TMLHE: variants seen among roughly 807,000 people sequenced by gnomAD.
TMLHE encodes the protein trimethyllysine hydroxylase, epsilon.
Under a neutral mutation model 25.7 loss-of-function variants are expected in TMLHE, and 18 were observed. That is an observed-to-expected ratio of 0.70 (90% CI 0.48 to 1.04). The LOEUF (loss-of-function observed/expected upper bound fraction) is 1.04. Ranked by LOEUF, TMLHE falls within the 50% of genes least tolerant of loss-of-function variation. The pLI is 0.00. For synonymous variants in TMLHE, 105 were observed against 97.0 expected (o/e 1.08, Z -0.49); for missense variants, 236 against 259.0 (o/e 0.91, Z 0.61).
intron 2 of TMLHE, among the ~76,000 whole-genome samples, chrX:155,531,925 G>A (rs781801672): frequency 9.0e-6 from 1 of 111,062 alleles, no homozygotes; most frequent in African/African-American, 3.3e-5. Context: ...AGAGCCTCTG[G>A]GCTATGGTGA....
At chrX:155,506,765 G>T in intron 6 of TMLHE, 133 bp downstream of exon 6, 1 of 543,621 alleles carries the variant, frequency 1.8e-6, no homozygotes, top group Non-Finnish European at 3.1e-6. Flanking sequence ...AATACAAACT[G>T]TTTGATAATA....
intron 1 of TMLHE, among the ~76,000 whole-genome samples, chrX:155,605,357 A>G (rs2067780700): frequency 8.9e-6 from 1 of 111,789 alleles, no homozygotes; most frequent in Admixed American, 9.5e-5. Context: ...CCCAAGACAC[A>G]TAGTCATCAG....
intron 2 of TMLHE, among the ~76,000 whole-genome samples, chrX:155,537,592 C>T (rs1557337749): frequency 1.8e-5 from 2 of 111,207 alleles, no homozygotes; most frequent in African/African-American, 6.5e-5. Context: ...CCCTAAGCTC[C>T]TTTTCACTCT....
chrX:155,585,036 T>C (rs1380003185), intron 1 of TMLHE, among the ~76,000 whole-genome samples: 1 of 110,165 alleles, frequency 9.1e-6, no homozygotes, highest in African/African-American at 3.3e-5. Context: ...TAACAAACAA[T>C]AAGAGAAAAC....
chrX:155,596,800 G>A (rs1019264085), intron 1 of TMLHE, among the ~76,000 whole-genome samples: 22 of 111,300 alleles, frequency 2.0e-4, no homozygotes, highest in Non-Finnish European at 3.4e-4. Flanking sequence ...CATAATTCCT[G>A]ACAGTGACTA....
chrX:155,554,526 C>CT (rs1226780591), intron 1 of TMLHE, among the ~76,000 whole-genome samples: 9 of 109,505 alleles, frequency 8.2e-5, no homozygotes, highest in Admixed American at 2.9e-4. Flanking sequence ...AAAGGTAATA[C>CT]TTTTTTTTTC....
At chrX:155,526,048 G>A (rs1440390141) in intron 2 of TMLHE, among the ~76,000 whole-genome samples, 2 of 112,941 alleles carry the variant, frequency 1.8e-5, no homozygotes, top group East Asian at 2.8e-4. Flanking sequence ...AGGAATTCAA[G>A]GCTGCAGAAA....
At chrX:155,602,459 T>C (rs1353888017) in intron 1 of TMLHE, among the ~76,000 whole-genome samples, 1 of 111,522 alleles carries the variant, frequency 9.0e-6, no homozygotes, top group Non-Finnish European at 1.9e-5. Flanking sequence ...CATTTAGTGA[T>C]GAAGGATTGA....
At chrX:155,591,252 C>T (rs181298520) in intron 1 of TMLHE, among the ~76,000 whole-genome samples, 33 of 111,489 alleles carry the variant, frequency 3.0e-4, no homozygotes, top group Non-Finnish European at 4.5e-4. Flanking sequence ...ATGAAAACCT[C>T]AAAATCCCAC....
chrX:155,547,770 C>G (rs1295358400), intron 1 of TMLHE, among the ~76,000 whole-genome samples: 2 of 109,904 alleles, frequency 1.8e-5, no homozygotes, highest in South Asian at 3.9e-4. Context: ...CCACACAACC[C>G]TGAAATATAT....
At chrX:155,546,940 C>A (rs1315649672) in intron 1 of TMLHE, among the ~76,000 whole-genome samples, 1 of 110,494 alleles carries the variant, frequency 9.1e-6, no homozygotes, top group Non-Finnish European at 1.9e-5. Flanking sequence ...CAGACCAAGA[C>A]CAGACTAGAA....
chrX:155,584,303 G>A (rs2067650629), intron 1 of TMLHE, among the ~76,000 whole-genome samples: 1 of 108,687 alleles, frequency 9.2e-6, no homozygotes, highest in Non-Finnish European at 1.9e-5. Flanking sequence ...AAATAATCCA[G>A]TCAGAAAAAA....
chrX:155,510,338 T>C (rs1176064323), intron 5 of TMLHE, among the ~76,000 whole-genome samples: 9 of 105,429 alleles, frequency 8.5e-5, no homozygotes, highest in South Asian at 4.6e-4. Context: ...CATGCTGGTG[T>C]GCTGCACCCA....
chrX:155,556,281 A>T (rs975106008), intron 1 of TMLHE, among the ~76,000 whole-genome samples: 2 of 112,657 alleles, frequency 1.8e-5, no homozygotes, highest in Non-Finnish European at 3.8e-5. Flanking sequence ...TTCAGCCTTT[A>T]ATACTGTGAC....
intron 2 of TMLHE, among the ~76,000 whole-genome samples, chrX:155,528,514 T>C (rs1171157778): frequency 9.0e-6 from 1 of 110,884 alleles, no homozygotes; most frequent in African/African-American, 3.3e-5. Flanking sequence ...GTCTCCAGTG[T>C]CCATTATACC....
At chrX:155,578,266 C>G (rs901984474) in intron 1 of TMLHE, among the ~76,000 whole-genome samples, 1 of 111,531 alleles carries the variant, frequency 9.0e-6, no homozygotes, top group African/African-American at 3.3e-5. Flanking sequence ...AATATCCTGC[C>G]GGCAGCCTGG....
At chrX:155,545,892 T>C (rs1165794068) in intron 1 of TMLHE, among the ~76,000 whole-genome samples, 1 of 110,834 alleles carries the variant, frequency 9.0e-6, no homozygotes, top group African/African-American at 3.3e-5. Context: ...AACCATGAAA[T>C]TGCTGAATGA....
Position 155,558,468 on chromosome X carries a change from G to C in TMLHE, c.-1-13191C>G, listed in dbSNP as rs782563022. On this transcript the variant is annotated intron_variant, in intron 1 of 7. Transcript: ENST00000334398. ...ATGCTGGATGTTCCTCAATAGGAAG[G>C]CCTATCTGTCTCATTCATTTTGATA... Among the ~76,000 whole-genome samples the C allele has an allele frequency of 3.6e-5, 4 of 111,693 alleles. No individual in the cohort carries two copies. The South Asian group carries it at 1.1e-3, about 31-fold the overall frequency.
rs1390014345 is a variant in TMLHE, at chrX:155,506,943, G to A, written c.950C>T (p.Pro317Leu). Residue 317 changes from proline (P) to leucine (L), a missense_variant, in exon 6 of 8, where the codon CCA (proline) becomes CTA (leucine). Transcript: ENST00000334398. ...ECHNHMIGIG[P>L]VLNIYPWNKE... The stretch of plus-strand genomic sequence containing the variant: ...ATTCCATGGGTAGATATTTAAGACT[G>A]GCCCAATCCCAATCATGTGGTTGTG... The A allele has an allele frequency of 8.3e-7, 1 of 1,207,628 alleles. No homozygotes were observed. The highest frequency in any genetic ancestry group is 1.1e-6 in the Non-Finnish European group (1 of 893,771).
Sources: allele counts gnomAD v4.1 joint callset (sites outside exome capture counted in the v4.1 genomes callset), GRCh38; gene constraint gnomAD v4.1.1; transcripts MANE v1.5; gene names NCBI Gene and HGNC (gene_info 2026-07-23, HGNC 2026-07-21).